COL24A1: variants seen among roughly 807,000 people sequenced by gnomAD.
COL24A1 encodes collagen alpha-1(XXIV) chain.
Under a neutral mutation model 253.9 loss-of-function variants are expected in COL24A1, and 224 were observed. The observed-to-expected ratio is 0.88, with a 90% CI of 0.79 to 0.99. The LOEUF (loss-of-function observed/expected upper bound fraction) is 0.99, where lower values mean the gene tolerates loss of function less well. Among genes scored for constraint, COL24A1 ranks in the 50% least tolerant of loss-of-function variants. The probability of loss-of-function intolerance (pLI) is 0.00; values close to 1 mark genes in which losing one functional copy is unlikely to be tolerated. For missense variants in COL24A1, 2,131 were observed against 2,068.5 expected, an observed-to-expected ratio of 1.03 and a Z score of -0.59; for synonymous variants, 685 against 673.7, an observed-to-expected ratio of 1.02 and a Z score of -0.26.
intron 18 of COL24A1, among the ~76,000 whole-genome samples, chr1:86,019,490 G>A (rs1697292811): frequency 1.3e-5 from 2 of 151,738 alleles, no homozygotes; most frequent in African/African-American, 2.4e-5. Flanking sequence ...CCCAAGAGTT[G>A]GAGACTGCAG....
At chr1:85,840,382 A>G (rs1037378960) in intron 42 of COL24A1, among the ~76,000 whole-genome samples, 1 of 152,234 alleles carries the variant, frequency 6.6e-6, no homozygotes, top group East Asian at 1.9e-4. Flanking sequence ...TCTATATGAG[A>G]TGGCTTGATT....
chr1:85,945,617 A>AG (rs1689256096), intron 24 of COL24A1, among the ~76,000 whole-genome samples: 1 of 147,040 alleles, frequency 6.8e-6, no homozygotes, highest in Admixed American at 6.9e-5. Flanking sequence ...AGGTTGGTCT[A>AG]ATTATGTGGC....
chr1:85,794,723 C>A (rs1323410938), intron 47 of COL24A1, among the ~76,000 whole-genome samples: 1 of 151,972 alleles, frequency 6.6e-6, no homozygotes, highest in Non-Finnish European at 1.5e-5. Context: ...AACAATTCAG[C>A]CTATGTTAAA....
At chr1:85,775,776 CA>C (rs1257512984) in intron 52 of COL24A1, 67 bp from the exon 53 acceptor site, 1 of 1,297,304 alleles carries the variant, frequency 7.7e-7, no homozygotes, top group Non-Finnish European at 1.1e-6. Flanking sequence ...TAGCTGAGGT[CA>C]TTATATGTAG....
intron 6 of COL24A1, among the ~76,000 whole-genome samples, chr1:86,089,721 G>C (rs12758598): frequency 0.13 from 19,988 of 152,152 alleles, 1,363 homozygotes; most frequent in Middle Eastern, 0.21. Context: ...TCAGGAGGCT[G>C]AGGCCGGAAA....
At chr1:85,733,313 G>A (rs144752368) in intron 59 of COL24A1, among the ~76,000 whole-genome samples, 26 of 152,102 alleles carry the variant, frequency 1.7e-4, no homozygotes, top group East Asian at 3.9e-4. Context: ...AAGAGGGGTC[G>A]GCAAACTCTT....
chr1:85,831,822 A>C (rs191441606), intron 43 of COL24A1, among the ~76,000 whole-genome samples: 7 of 152,200 alleles, frequency 4.6e-5, no homozygotes, highest in Admixed American at 2.0e-4. Context: ...TGAGAGGGCT[A>C]TGACTGGAGA....
intron 7 of COL24A1, 112 bp downstream of exon 7, chr1:86,089,062 C>G (rs1703286524): frequency 1.3e-6 from 1 of 774,068 alleles, no homozygotes; most frequent in Admixed American, 3.5e-5. Context: ...CACTGAAGAC[C>G]TCCAAGATCC....
intron 7 of COL24A1, among the ~76,000 whole-genome samples, chr1:86,078,357 G>A (rs1702404048): frequency 1.3e-5 from 2 of 152,074 alleles, no homozygotes; most frequent in Admixed American, 6.6e-5. Context: ...CATTCTGAAT[G>A]GGAAAATACT....
At chr1:86,043,179 T>C (rs1699634066) in intron 12 of COL24A1, among the ~76,000 whole-genome samples, 1 of 152,160 alleles carries the variant, frequency 6.6e-6, no homozygotes, top group African/African-American at 2.4e-5. Flanking sequence ...ATATCTACTA[T>C]TGTTCTATAA....
intron 1 of COL24A1, among the ~76,000 whole-genome samples, chr1:86,151,739 CT>C (rs1652806793): frequency 6.6e-6 from 1 of 152,170 alleles, no homozygotes; most frequent in Non-Finnish European, 1.5e-5. Context: ...TCCGAGGGAT[CT>C]TTTGCTTAGG....
At chr1:86,028,186 A>G (rs614895) in intron 14 of COL24A1, among the ~76,000 whole-genome samples, 51,655 of 151,936 alleles carry the variant, frequency 0.34, 9,512 homozygotes, top group Middle Eastern at 0.51. Flanking sequence ...CTTTGGACTT[A>G]GACTTTTGGG....
chr1:85,917,891 A>G (rs931481047), intron 24 of COL24A1, among the ~76,000 whole-genome samples: 1 of 152,100 alleles, frequency 6.6e-6, no homozygotes, highest in Admixed American at 6.6e-5. Context: ...AGTTTTTAGT[A>G]GAGACGGGGT....
intron 32 of COL24A1, among the ~76,000 whole-genome samples, chr1:85,887,419 T>C (rs950438599): frequency 2.0e-5 from 3 of 152,150 alleles, no homozygotes; most frequent in Non-Finnish European, 4.4e-5. Flanking sequence ...TTTGCATTGA[T>C]TAGACATTTT....
chr1:85,835,853 A>T (rs920817157), intron 43 of COL24A1, among the ~76,000 whole-genome samples: 5 of 152,090 alleles, frequency 3.3e-5, no homozygotes, highest in Admixed American at 2.6e-4. Context: ...AAGACACACT[A>T]CCCCAAAATA....
intron 24 of COL24A1, among the ~76,000 whole-genome samples, chr1:85,945,019 T>TTTTTTTTTTTTTTTTTTTG (rs1553237048): frequency 2.7e-5 from 2 of 73,360 alleles, no homozygotes; most frequent in African/African-American, 4.5e-5. Flanking sequence ...TTTTTTTTTT[T>TTTTTTTTTTTTTTTTTTTG]TTTTTTTTTT....
chr1:85,955,004 A>T (rs1690288188), intron 24 of COL24A1, among the ~76,000 whole-genome samples: 1 of 152,188 alleles, frequency 6.6e-6, no homozygotes, highest in African/African-American at 2.4e-5. Context: ...AGTGCAGGGT[A>T]GGGAAGGGCT....
chr1:86,090,367 T>C (rs1703405451), intron 6 of COL24A1, among the ~76,000 whole-genome samples: 1 of 152,092 alleles, frequency 6.6e-6, no homozygotes, highest in Admixed American at 6.5e-5. Flanking sequence ...AAGGAAAAAC[T>C]TACACCATTT....
intron 51 of COL24A1, 115 bp downstream of exon 51, chr1:85,783,381 C>T: frequency 1.2e-6 from 1 of 862,374 alleles, no homozygotes; most frequent in Non-Finnish European, 1.8e-6. Context: ...GAGTTTCTAC[C>T]TTAAAAGTCA....
Sources: gnomAD v4.1 joint callset for allele counts (sites outside exome capture counted in the v4.1 genomes callset) on GRCh38, gnomAD v4.1.1 for gene constraint, MANE v1.5 for transcripts, NCBI Gene and HGNC (gene_info 2026-07-23, HGNC 2026-07-21) for gene names.